Variants in TLE1 observed in about 807,000 individuals in gnomAD.
The protein encoded by TLE1 is transducin-like enhancer protein 1.
Under a neutral mutation model 89.8 loss-of-function variants are expected in TLE1, and 21 were observed. That is an observed-to-expected ratio of 0.23 (90% confidence interval 0.17 to 0.34). The LOEUF is 0.34. TLE1 is among the 10% of genes least tolerant of loss of function. TLE1 has a pLI of 1.00. For synonymous variants in TLE1, 447 were observed against 407.6 expected (o/e 1.10, Z -1.16); for missense variants, 795 against 1,031.2 (o/e 0.77, Z 3.14).
At chr9:81,624,825 GA>G (rs1206576087) in intron 8 of TLE1, among the ~76,000 whole-genome samples, 2 of 152,064 alleles carry the variant, frequency 1.3e-5, no homozygotes, top group Non-Finnish European at 2.9e-5. Context: ...ATCTCCTACA[GA>G]AACTCAAAAT....
chr9:81,641,631 G>C (rs1828132705), intron 6 of TLE1, among the ~76,000 whole-genome samples: 1 of 152,140 alleles, frequency 6.6e-6, no homozygotes, highest in African/African-American at 2.4e-5. Context: ...CTCCTGAACA[G>C]ACATTTCTCA....
intron 18 of TLE1, 141 bp downstream of exon 18, chr9:81,585,364 G>A (rs911160021): frequency 1.9e-6 from 2 of 1,061,018 alleles, no homozygotes; most frequent in South Asian, 3.3e-5. Flanking sequence ...TGCTCTGAAG[G>A]GCATATTAAA....
chr9:81,603,634 C>T (rs565139101), intron 14 of TLE1, among the ~76,000 whole-genome samples: 4 of 152,264 alleles, frequency 2.6e-5, no homozygotes, highest in African/African-American at 7.2e-5. Context: ...TAGTTACTTC[C>T]CCACAATTTA....
chr9:81,608,961 GAAAGAA>G (rs1176653827), intron 14 of TLE1, among the ~76,000 whole-genome samples: 4 of 148,784 alleles, frequency 2.7e-5, no homozygotes, highest in African/African-American at 7.4e-5. Context: ...AAGAAAGAAA[GAAAGAA>G]AAAGAAAAAG....
chr9:81,658,592 G>T (rs1338563441), intron 4 of TLE1, among the ~76,000 whole-genome samples: 1 of 152,090 alleles, frequency 6.6e-6, no homozygotes, highest in African/African-American at 2.4e-5. Flanking sequence ...CTATTAACAA[G>T]CTGGTTTACC....
At chr9:81,602,302 G>A (rs1300928037) in intron 14 of TLE1, among the ~76,000 whole-genome samples, 3 of 152,294 alleles carry the variant, frequency 2.0e-5, no homozygotes, top group Non-Finnish European at 2.9e-5. Context: ...TGAAGGGCAC[G>A]TCGGTTTATA....
Position 81,681,572 on chromosome 9 carries a change from ATTC to A in TLE1, c.234+4101_234+4103del, listed in dbSNP as rs533715345. ...CGCGCAAAAAAAAAAAAGAAAAAAA[ATTC>A]TTCACCATCCTGGAGAGCCCAGTGC... On this transcript the variant is annotated intron_variant, in intron 4 of 19. Transcript: ENST00000376499. Among the ~76,000 whole-genome samples the A allele has an allele frequency of 2.2e-4, 34 of 151,778 alleles. No homozygotes were observed. In the East Asian group the frequency reaches 6.2e-3, roughly 28 times the overall value.
chr9:81,621,781 A>G (rs568469652), intron 8 of TLE1, among the ~76,000 whole-genome samples: 21 of 152,168 alleles, frequency 1.4e-4, no homozygotes, highest in Non-Finnish European at 2.4e-4. Flanking sequence ...GGTTGTCTCC[A>G]GCTCAACCAT....
chr9:81,671,368 C>T (rs931572792), intron 4 of TLE1, among the ~76,000 whole-genome samples: 2 of 151,598 alleles, frequency 1.3e-5, no homozygotes, highest in African/African-American at 2.4e-5. Context: ...AAATGAAGGC[C>T]GGGCATGGTG....
chr9:81,605,795 T>C (rs1007471260), intron 14 of TLE1, among the ~76,000 whole-genome samples: 1 of 150,712 alleles, frequency 6.6e-6, no homozygotes, highest in African/African-American at 2.4e-5. Flanking sequence ...AAAGAGTTTC[T>C]GCACGGCAAA....
At chr9:81,682,343 G>A (rs968804306) in intron 4 of TLE1, among the ~76,000 whole-genome samples, 2 of 151,806 alleles carry the variant, frequency 1.3e-5, no homozygotes, top group African/African-American at 2.4e-5. Context: ...CCTTGAGCAA[G>A]TCCCAGACTC....
chr9:81,587,740 C>T lies in TLE1; in HGVS notation c.1918G>A (p.Val640Ile). The change falls in exon 17 of 20, where the codon GTC becomes ATC. Residue 640 changes from valine to isoleucine, a missense_variant. Around this residue, in one of 4 missense-constraint regions of TLE1, gnomAD observed 214 missense variants for 354.9 expected, o/e 0.60. Transcript: ENST00000376499. ...CCCTCGCGCAGGTCCCAGGACCTGACTGTGTTGTCCAAACCACCCGTCCAG... is the reference window on the plus strand; with the variant it reads ...CCCTCGCGCAGGTCCCAGGACCTGATTGTGTTGTCCAAACCACCCGTCCAG... The part of the protein sequence containing the change: ...KLWTGGLDNT[V>I]RSWDLREGRQ... 6.2e-7 allele frequency: 1 copy of T among 1,614,168 alleles called. No individual in the cohort carries two copies. Among genetic ancestry groups the T allele is most frequent in the Non-Finnish European group, 8.5e-7 (1 of 1,180,032 alleles).
Position 81,590,840 on chromosome 9 carries a change from G to A in TLE1, c.1794C>T (p.Ile598=), listed in dbSNP as rs773182013. 1.4e-5 allele frequency: 22 copies of A among 1,614,190 alleles called. No homozygotes were observed. The highest frequency in any genetic ancestry group is 1.8e-5 in the Non-Finnish European group (21 of 1,180,036). The change falls in exon 16 of 20, where the codon ATC becomes ATT. Residue 598 remains isoleucine, a synonymous_variant. Transcript: ENST00000376499. Reference sequence around the variant, plus strand: ...TCTGGTTGTGCAGATCCCACACAGCGATGTTGCCGTCGCTGCAGCATGAGA... The same window carrying A: ...TCTGGTTGTGCAGATCCCACACAGCAATGTTGCCGTCGCTGCAGCATGAGA... The part of the protein sequence containing the change: ...VCFSCCSDGN[I]AVWDLHNQTL...
intron 5 of TLE1, among the ~76,000 whole-genome samples, chr9:81,653,659 T>G (rs544521545): frequency 2.0e-5 from 3 of 152,318 alleles, no homozygotes; most frequent in Admixed American, 1.3e-4. Flanking sequence ...GCTTTCTATT[T>G]AAAAGATATA....
chr9:81,661,178 A>G (rs1006652777), intron 4 of TLE1, among the ~76,000 whole-genome samples: 17 of 126,284 alleles, frequency 1.3e-4, no homozygotes, highest in African/African-American at 4.1e-4. Context: ...ATATTTATAT[A>G]TATGTATTTT....
chr9:81,643,663 T>C, intron 6 of TLE1, among the ~76,000 whole-genome samples: 1 of 151,992 alleles, frequency 6.6e-6, no homozygotes, highest in East Asian at 1.9e-4. Context: ...ACCTCCTGAG[T>C]AGCTGGGACT....
intron 4 of TLE1, among the ~76,000 whole-genome samples, chr9:81,661,760 C>T (rs756885383): frequency 1.3e-5 from 2 of 151,862 alleles, no homozygotes; most frequent in Admixed American, 1.3e-4. Context: ...CTTAAATCCC[C>T]CCCCCAAAAA....
At chr9:81,585,737 T>G in intron 17 of TLE1, 82 bp from the exon 18 acceptor site, 1 of 1,524,412 alleles carries the variant, frequency 6.6e-7, no homozygotes, top group Non-Finnish European at 8.9e-7. Flanking sequence ...AGTGGGGAAA[T>G]AGCAAGAATG....
intron 15 of TLE1, among the ~76,000 whole-genome samples, chr9:81,591,878 A>C (rs1829567627): frequency 6.6e-6 from 1 of 152,166 alleles, no homozygotes; most frequent in African/African-American, 2.4e-5. Flanking sequence ...AAACACCGCC[A>C]CTCTGCTTTT....
Sources: gnomAD v4.1 joint callset for allele counts (sites outside exome capture counted in the v4.1 genomes callset) on GRCh38, gnomAD v4.1.1 for gene constraint, gnomAD v4.1.1 regional missense constraint, MANE v1.5 for transcripts, NCBI Gene and HGNC (gene_info 2026-07-23, HGNC 2026-07-21) for gene names.